NR1D2: variants seen among roughly 807,000 people sequenced by gnomAD.
The protein encoded by NR1D2 is nuclear receptor subfamily 1 group D member 2.
Under a neutral mutation model 52.2 loss-of-function variants are expected in NR1D2, and 25 were observed. That is an observed-to-expected ratio of 0.48 (90% CI 0.35 to 0.67). NR1D2 has a LOEUF of 0.67. NR1D2 is among the 30% of genes least tolerant of loss of function. The probability of loss-of-function intolerance (pLI) is 0.01; values close to 1 mark genes in which losing one functional copy is unlikely to be tolerated. For missense variants in NR1D2, 681 were observed against 707.2 expected (o/e 0.96, Z 0.42); for synonymous variants, 259 against 230.1 (o/e 1.13, Z -1.14).
intron 1 of NR1D2, among the ~76,000 whole-genome samples, chr3:23,948,486 AAC>A (rs1395224563): frequency 1.3e-5 from 2 of 152,252 alleles, no homozygotes; most frequent in Admixed American, 1.3e-4. Flanking sequence ...CTGGATCCTT[AAC>A]ACACATTAAA....
intron 7 of NR1D2, among the ~76,000 whole-genome samples, chr3:23,972,927 G>A (rs567443261): frequency 6.6e-6 from 1 of 152,138 alleles, no homozygotes; most frequent in South Asian, 2.1e-4. Flanking sequence ...TTTAGATATA[G>A]GCATCCATTT....
At chr3:23,973,793 T>C (rs910775943) in intron 7 of NR1D2, among the ~76,000 whole-genome samples, 2 of 152,114 alleles carry the variant, frequency 1.3e-5, no homozygotes, top group Non-Finnish European at 2.9e-5. Context: ...TATACAAAAA[T>C]ATTTTCTTTA....
At chr3:23,946,343 A>G in intron 1 of NR1D2, 3 of 972,286 alleles carry the variant, frequency 3.1e-6, no homozygotes, top group Non-Finnish European at 3.7e-6. Flanking sequence ...CCGAGGAGGA[A>G]GTGCAGGACG....
At position 23,945,286 on chromosome 3, in the gene NR1D2, G is replaced by T. The variant is rs551642237; in HGVS notation, c.-293G>T. ...TCACATGGTCGCGGCTGCCCTCCCC[G>T]TCAGCCGCCCTCGCCGCCGCGGTGC... On this transcript the variant is annotated 5_prime_UTR_variant, in exon 1 of 8. Coordinates refer to ENST00000312521, the MANE Select transcript of NR1D2 (RefSeq NM_005126.5). 7 of 154,970 alleles carry T rather than the reference G, an allele frequency of 4.5e-5. No individual in the cohort carries two copies. The highest frequency in any genetic ancestry group is 1.7e-4 in the African/African-American group (7 of 41,480). 9.6% of individuals were successfully genotyped at this position (154,970 alleles called of 1,614,324 possible).
At chr3:23,975,889 C>G (rs1706711389) in intron 7 of NR1D2, among the ~76,000 whole-genome samples, 1 of 152,130 alleles carries the variant, frequency 6.6e-6, no homozygotes, top group African/African-American at 2.4e-5. Context: ...CCTTTTTCAG[C>G]TATCACTTAT....
At chr3:23,970,285 A>C (rs1331675731) in intron 7 of NR1D2, among the ~76,000 whole-genome samples, 1 of 152,210 alleles carries the variant, frequency 6.6e-6, no homozygotes, top group Non-Finnish European at 1.5e-5. Flanking sequence ...CCAACTTCCC[A>C]GAGGTAGTTC....
chr3:23,954,325 A>T (rs1468773848), intron 1 of NR1D2, among the ~76,000 whole-genome samples: 1 of 152,172 alleles, frequency 6.6e-6, no homozygotes, highest in Non-Finnish European at 1.5e-5. Flanking sequence ...TCCCTTTTTA[A>T]ATCAGTGGGA....
In NR1D2 at chr3:23,979,155, C is replaced by T. The variant is rs1164509006; in HGVS notation, c.*1736C>T. 1 of 151,790 alleles carries T rather than the reference C, an allele frequency of 6.6e-6. No homozygotes were observed. The highest frequency in any genetic ancestry group is 1.5e-5 in the Non-Finnish European group (1 of 67,922). The allele number at this position is 151,790 out of a possible 1,614,324, so 9.4% of individuals were successfully genotyped here. A position where few individuals can be genotyped will look rare whatever the true frequency, so the allele number is the denominator to read the frequency against. On this transcript the variant is annotated 3_prime_UTR_variant, in exon 8 of 8. Coordinates refer to ENST00000312521, the MANE Select transcript of NR1D2 (RefSeq NM_005126.5). The stretch of plus-strand genomic sequence containing the variant: ...TACTGGGACTTGATTTACTGTGGCA[C>T]TAGTTAAGTAAGTTAAAAAAAAGTT...
chr3:23,954,858 T>C, intron 2 of NR1D2, 55 bp downstream of exon 2: 2 of 1,527,930 alleles, frequency 1.3e-6, no homozygotes, highest in African/African-American at 1.4e-5. Context: ...ATGGGGCTTA[T>C]TTTATCAGCT....
rs1706769055 is a variant in NR1D2 at position 23,977,640 on chromosome 3, C to A, written c.*221C>A. The A allele has an allele frequency of 5.5e-6, 2 of 363,470 alleles. No individual in the cohort carries two copies. Among genetic ancestry groups the A allele is most frequent in the Non-Finnish European group, 9.8e-6 (2 of 203,474 alleles). 22.5% of individuals were successfully genotyped at this position (363,470 alleles called of 1,614,324 possible). Reference sequence around the variant, plus strand: ...CCTGATAGACCAATCAGCTGTGTCGCACTTAAACTGGAGAAGTTACACTGA... The same window carrying A: ...CCTGATAGACCAATCAGCTGTGTCGAACTTAAACTGGAGAAGTTACACTGA... On this transcript the variant is annotated 3_prime_UTR_variant, in exon 8 of 8. Coordinates refer to ENST00000312521, the MANE Select transcript of NR1D2 (RefSeq NM_005126.5).
chr3:23,963,704 C>A (rs1384963806), intron 5 of NR1D2, among the ~76,000 whole-genome samples: 4 of 152,144 alleles, frequency 2.6e-5, no homozygotes, highest in African/African-American at 9.7e-5. Context: ...CCACCTCGGC[C>A]TCCCAAAGTG....
chr3:23,946,212 T>A (rs939828495), intron 1 of NR1D2: 1 of 985,268 alleles, frequency 1.0e-6, no homozygotes, highest in Non-Finnish European at 1.2e-6. Flanking sequence ...AAGCGGGCGC[T>A]GACACCGCAG....
intron 3 of NR1D2, among the ~76,000 whole-genome samples, chr3:23,958,340 C>T (rs910297170): frequency 3.3e-5 from 5 of 151,996 alleles, no homozygotes; most frequent in African/African-American, 1.2e-4. Context: ...ATTTCTCAGT[C>T]CACTTTTTAA....
intron 1 of NR1D2, among the ~76,000 whole-genome samples, chr3:23,948,199 C>A (rs1308813371): frequency 6.6e-6 from 1 of 152,054 alleles, no homozygotes; most frequent in Non-Finnish European, 1.5e-5. Context: ...CTGTGTGGCA[C>A]ACCTCTACCC....
At position 23,961,982 on chromosome 3, in the gene NR1D2, C is replaced by A; in HGVS notation, c.523C>A (p.Arg175=). Residue 175 remains arginine (R), a synonymous_variant, in exon 5 of 8, where the codon CGG becomes AGG. Transcript: ENST00000312521. ...AATATCTTTTTCTTCAATAGCTGTT[C>A]GGTTTGGTCGTATTCCTAAGCGTGA... ...LSVGMSRDAV[R]FGRIPKREKQ... 6.3e-7 allele frequency: 1 copy of A among 1,591,376 alleles called. No homozygotes were observed. Among genetic ancestry groups the A allele is most frequent in the South Asian group, 1.1e-5 (1 of 88,768 alleles).
At chr3:23,973,278 G>T (rs1706638756) in intron 7 of NR1D2, among the ~76,000 whole-genome samples, 1 of 152,188 alleles carries the variant, frequency 6.6e-6, no homozygotes, top group African/African-American at 2.4e-5. Flanking sequence ...TTGTCATTGT[G>T]TGAACATCAT....
At chr3:23,946,737 C>CTT (rs1196975376) in intron 1 of NR1D2, 1 of 152,198 alleles carries the variant, frequency 6.6e-6, no homozygotes, top group Non-Finnish European at 1.5e-5. Context: ...GGGTCGCTGA[C>CTT]TTTTCCTGAA....
chr3:23,980,527 A>G lies in NR1D2; in HGVS notation c.*3108A>G, dbSNP rs563767605. 6 of 152,074 alleles carry G rather than the reference A, an allele frequency of 3.9e-5. No individual in the cohort carries two copies. Among genetic ancestry groups the G allele is most frequent in the Non-Finnish European group, 7.4e-5 (5 of 67,992 alleles). 9.4% of individuals were successfully genotyped at this position (152,074 alleles called of 1,614,324 possible). ...TATGAGTTAAGTTTATTTTCTACAA[A>G]CTGTAATTGATGAGGACATGGATAA... On this transcript the variant is annotated 3_prime_UTR_variant, in exon 8 of 8. Coordinates refer to ENST00000312521, the MANE Select transcript of NR1D2 (RefSeq NM_005126.5).
chr3:23,968,302 CTT>C (rs1389925689), intron 7 of NR1D2, among the ~76,000 whole-genome samples: 1 of 152,124 alleles, frequency 6.6e-6, no homozygotes, highest in Non-Finnish European at 1.5e-5. Flanking sequence ...GAGTCTAAAT[CTT>C]TATTTCATGA....
Sources: gnomAD v4.1 joint callset for allele counts (sites outside exome capture counted in the v4.1 genomes callset) on GRCh38, gnomAD v4.1.1 for gene constraint, MANE v1.5 for transcripts, NCBI Gene and HGNC (gene_info 2026-07-23, HGNC 2026-07-21) for gene names.